Variants in PRDM2 observed in about 807,000 individuals in gnomAD.
PRDM2 encodes PR domain zinc finger protein 2.
A neutral mutation model predicts 130.0 loss-of-function variants in PRDM2; 30 were observed. The observed-to-expected ratio is 0.23, with a 90% CI of 0.17 to 0.31. The LOEUF is 0.31. Ranked by LOEUF, PRDM2 falls within the 10% of genes least tolerant of loss-of-function variation. The pLI is 1.00. For missense variants in PRDM2, 2,011 were observed against 2,108.4 expected, an observed-to-expected ratio of 0.95 and a Z score of 0.90; for synonymous variants, 871 against 782.4, an observed-to-expected ratio of 1.11 and a Z score of -1.89.
In PRDM2 at chr1:13,770,273, C is replaced by T. The variant is rs995216307; in HGVS notation, c.512-2805C>T. On this transcript the variant is annotated intron_variant, in intron 6 of 9. Transcript: ENST00000311066. ...AAGGACATTTGACATTTAGTATCAG[C>T]TAGGTGCTCTAACATTCTTTTAGGT... The T allele has an allele frequency of 8.6e-6, 4 of 463,300 alleles. No individual in the cohort carries two copies. The Admixed American group carries it at 9.3e-5, about 11-fold the overall frequency. The allele number at this position is 463,300 out of a possible 1,614,324, so 28.7% of individuals were successfully genotyped here. A position where few individuals can be genotyped will look rare whatever the true frequency, so the allele number is the denominator to read the frequency against.
intron 4 of PRDM2, 61 bp from the exon 5 acceptor site, chr1:13,741,944 G>C: frequency 7.7e-7 from 1 of 1,304,306 alleles, no homozygotes; most frequent in Middle Eastern, 1.9e-4. Context: ...AGTTAAAAAT[G>C]GAGGCATTTT....
intron 2 of PRDM2, among the ~76,000 whole-genome samples, chr1:13,720,027 A>G (rs1642673213): frequency 6.6e-6 from 1 of 152,190 alleles, no homozygotes; most frequent in Admixed American, 6.5e-5. Context: ...CTATTCCGTC[A>G]TGTATTGCTG....
intron 6 of PRDM2, among the ~76,000 whole-genome samples, chr1:13,750,928 G>A (rs538507357): frequency 6.6e-6 from 1 of 151,972 alleles, no homozygotes; most frequent in East Asian, 1.9e-4. Flanking sequence ...CCAGCCTTCC[G>A]GGTAAGTTAT....
chr1:13,705,502 A>G (rs1228769309), intron 1 of PRDM2: 2 of 152,104 alleles, frequency 1.3e-5, no homozygotes, highest in South Asian at 2.1e-4. Context: ...ACAAAGCCAC[A>G]TCCTGCACCG....
At chr1:13,787,357 A>C in intron 8 of PRDM2, 1 of 985,096 alleles carries the variant, frequency 1.0e-6, no homozygotes. Context: ...GATTAAAAAC[A>C]ACAAATTGGC....
chr1:13,812,589 G>T (rs558242965), intron 8 of PRDM2, among the ~76,000 whole-genome samples: 1 of 152,208 alleles, frequency 6.6e-6, no homozygotes, highest in South Asian at 2.1e-4. Context: ...CCACTTTGCC[G>T]TGTTAAAGTG....
intron 8 of PRDM2, among the ~76,000 whole-genome samples, chr1:13,792,758 A>G (rs1644861231): frequency 6.6e-6 from 1 of 152,222 alleles, no homozygotes; most frequent in Non-Finnish European, 1.5e-5. Flanking sequence ...GAGGGAGTTG[A>G]GGATGCGCCT....
At chr1:13,778,203 G>A (rs948636499) in intron 7 of PRDM2, among the ~76,000 whole-genome samples, 2 of 152,184 alleles carry the variant, frequency 1.3e-5, no homozygotes, top group African/African-American at 4.8e-5. Flanking sequence ...TGCCTGGTAC[G>A]TGGCTGGTAC....
chr1:13,789,757 T>G (rs2100701596), intron 8 of PRDM2, among the ~76,000 whole-genome samples: 1 of 152,350 alleles, frequency 6.6e-6, no homozygotes, highest in East Asian at 1.9e-4. Context: ...TGAAAGTGGA[T>G]TAGAGCACAG....
At chr1:13,785,511 T>C (rs1350679319) in intron 8 of PRDM2, among the ~76,000 whole-genome samples, 1 of 152,092 alleles carries the variant, frequency 6.6e-6, no homozygotes, top group Non-Finnish European at 1.5e-5. Context: ...GTTTTCTACT[T>C]AACACTGAGG....
chr1:13,732,529 G>T (rs1417430244), intron 3 of PRDM2, among the ~76,000 whole-genome samples: 1 of 152,072 alleles, frequency 6.6e-6, no homozygotes, highest in African/African-American at 2.4e-5. Flanking sequence ...CATTTTAAAA[G>T]TATATAAAAC....
At position 13,732,898 on chromosome 1, in the gene PRDM2, G is replaced by A; in HGVS notation, c.231+16G>A. Reference sequence around the variant, plus strand: ...CATGTGGGAGGTAAGAAGTAATTCTGATTCTTTGTTTTTCAGAGTTTTATG... The same window carrying A: ...CATGTGGGAGGTAAGAAGTAATTCTAATTCTTTGTTTTTCAGAGTTTTATG... On this transcript the variant is annotated intron_variant, in intron 4 of 9. Coordinates refer to ENST00000311066, the MANE Select transcript of PRDM2 (RefSeq NM_001393986.1). The A allele has an allele frequency of 1.4e-6, 2 of 1,457,488 alleles. No individual in the cohort carries two copies. Among genetic ancestry groups the A allele is most frequent in the East Asian group, 4.7e-5 (2 of 42,282 alleles). The allele number at this position is 1,457,488 out of a possible 1,614,324, so 90.3% of individuals were successfully genotyped here.
At chr1:13,746,004 T>G (rs1282212072) in intron 5 of PRDM2, among the ~76,000 whole-genome samples, 1 of 152,184 alleles carries the variant, frequency 6.6e-6, no homozygotes, top group Non-Finnish European at 1.5e-5. Flanking sequence ...TCTGACACAT[T>G]TTTCTAATAT....
In PRDM2 at chr1:13,778,623, G is replaced by GGTT; in HGVS notation, c.829_830insTTG (p.Glu276_Asp277insVal). Reference sequence around the variant, plus strand: ...AAGAGGAGGAGGAGGAAGAGGAGGAGGATGAAGAAGAAGAAGAAGATGATG... The same window carrying GGTT: ...AAGAGGAGGAGGAGGAAGAGGAGGAGGTTGATGAAGAAGAAGAAGAAGATGATG... On this transcript the variant is annotated inframe_insertion, in exon 8 of 10. Coordinates refer to ENST00000311066, the MANE Select transcript of PRDM2 (RefSeq NM_001393986.1). 1 of 1,612,974 alleles carries GGTT rather than the reference G, an allele frequency of 6.2e-7. No individual in the cohort carries two copies. The highest frequency in any genetic ancestry group is 8.5e-7 in the Non-Finnish European group (1 of 1,179,338).
chr1:13,705,954 C>T (rs1292094970), intron 1 of PRDM2, among the ~76,000 whole-genome samples: 4 of 144,856 alleles, frequency 2.8e-5, no homozygotes, highest in African/African-American at 7.8e-5. Flanking sequence ...TGCACTCCAG[C>T]CTGGGAGACA....
chr1:13,788,972 G>A (rs1047719819), intron 8 of PRDM2, among the ~76,000 whole-genome samples: 3 of 152,164 alleles, frequency 2.0e-5, no homozygotes, highest in Admixed American at 6.5e-5. Flanking sequence ...TTCTGAGTGC[G>A]CCCTCTAGGA....
intron 1 of PRDM2, among the ~76,000 whole-genome samples, chr1:13,702,885 T>C (rs1372351307): frequency 6.6e-6 from 1 of 151,916 alleles, no homozygotes; most frequent in Non-Finnish European, 1.5e-5. Flanking sequence ...AGGTTGATGG[T>C]TGGGGGAAAA....
intron 2 of PRDM2, among the ~76,000 whole-genome samples, chr1:13,721,613 A>G (rs1243839879): frequency 6.6e-6 from 1 of 152,230 alleles, no homozygotes; most frequent in Non-Finnish European, 1.5e-5. Flanking sequence ...AGCAAATTTT[A>G]GAAAATCTGG....
intron 1 of PRDM2, among the ~76,000 whole-genome samples, chr1:13,706,683 AG>A (rs1642220315): frequency 1.3e-5 from 2 of 151,982 alleles, no homozygotes; most frequent in African/African-American, 4.8e-5. Flanking sequence ...AAACATCAAA[AG>A]ACAGTCTTTC....
Sources: allele counts gnomAD v4.1 joint callset (sites outside exome capture counted in the v4.1 genomes callset), GRCh38; gene constraint gnomAD v4.1.1; transcripts MANE v1.5; gene names NCBI Gene and HGNC (gene_info 2026-07-23, HGNC 2026-07-21).